The following DLGAP2 variants were observed in gnomAD, a reference collection of about 807,000 sequenced individuals.
The protein encoded by DLGAP2 is DLG associated protein 2, also known as disks large-associated protein 2.
Under a neutral mutation model 100.3 loss-of-function variants are expected in DLGAP2, and 26 were observed. That is an observed-to-expected ratio of 0.26 (90% confidence interval 0.19 to 0.36). The LOEUF is 0.36. Among genes scored for constraint, DLGAP2 ranks in the 10% least tolerant of loss-of-function variants. The pLI is 1.00. For missense variants in DLGAP2, 1,858 were observed against 1,453.2 expected (o/e 1.28, Z -4.53); for synonymous variants, 886 against 630.1 (o/e 1.41, Z -6.08).
intron 4 of DLGAP2, among the ~76,000 whole-genome samples, chr8:1,538,649 G>A (rs940559139): frequency 2.6e-5 from 4 of 152,144 alleles, no homozygotes; most frequent in African/African-American, 4.8e-5. Flanking sequence ...TTTCTGTTGC[G>A]AGTGTCTAGA....
At chr8:1,669,646 G>C in intron 9 of DLGAP2, 97 bp from the exon 10 acceptor site, 2 of 773,196 alleles carry the variant, frequency 2.6e-6, no homozygotes, top group Non-Finnish European at 4.8e-6. Context: ...TGCGGCGCTG[G>C]TAGCTAGGCA....
intron 1 of DLGAP2, among the ~76,000 whole-genome samples, chr8:743,795 GCTCT>G (rs1820546919): frequency 6.6e-6 from 1 of 152,174 alleles, no homozygotes; most frequent in Non-Finnish European, 1.5e-5. Context: ...TGACTCCTGG[GCTCT>G]AGCCATCAGC....
At chr8:1,219,294 T>C (rs1056126166) in intron 2 of DLGAP2, among the ~76,000 whole-genome samples, 1 of 152,174 alleles carries the variant, frequency 6.6e-6, no homozygotes, top group Non-Finnish European at 1.5e-5. Flanking sequence ...TAAGTTCCTC[T>C]GATGACTAGT....
At chr8:970,875 T>C (rs1799997727) in intron 2 of DLGAP2, among the ~76,000 whole-genome samples, 1 of 152,248 alleles carries the variant, frequency 6.6e-6, no homozygotes, top group South Asian at 2.1e-4. Context: ...TATCTTAACC[T>C]TGTTAACGAT....
At chr8:815,731 G>A (rs1237112021) in intron 1 of DLGAP2, among the ~76,000 whole-genome samples, 1 of 152,084 alleles carries the variant, frequency 6.6e-6, no homozygotes, top group African/African-American at 2.4e-5. Flanking sequence ...GATATTGAGG[G>A]CAAATAAAGA....
At chr8:1,047,417 A>G (rs1263401451) in intron 2 of DLGAP2, among the ~76,000 whole-genome samples, 2 of 152,172 alleles carry the variant, frequency 1.3e-5, no homozygotes, top group African/African-American at 4.8e-5. Context: ...ATGATCCCAT[A>G]TTTTAAAATC....
At chr8:834,598 T>G (rs1267689561) in intron 1 of DLGAP2, among the ~76,000 whole-genome samples, 1 of 152,190 alleles carries the variant, frequency 6.6e-6, no homozygotes, top group African/African-American at 2.4e-5. Flanking sequence ...TTTAAAACAC[T>G]CTGTCTTCCT....
At chr8:1,629,936 G>A in intron 7 of DLGAP2, among the ~76,000 whole-genome samples, 1 of 152,264 alleles carries the variant, frequency 6.6e-6, no homozygotes. Context: ...ACCCAAGATG[G>A]TATCTACCAA....
At chr8:1,383,668 G>C (rs981137174) in intron 3 of DLGAP2, among the ~76,000 whole-genome samples, 3 of 152,158 alleles carry the variant, frequency 2.0e-5, no homozygotes, top group Non-Finnish European at 4.4e-5. Context: ...GACAGGTGCC[G>C]TCCACCTGGC....
chr8:1,428,732 A>G (rs1373385963), intron 3 of DLGAP2, among the ~76,000 whole-genome samples: 1 of 152,220 alleles, frequency 6.6e-6, no homozygotes, highest in Admixed American at 6.5e-5. Flanking sequence ...AGTGCCAGCA[A>G]ATGTGTCAAG....
chr8:1,430,601 C>G (rs918591060), intron 3 of DLGAP2, among the ~76,000 whole-genome samples: 14 of 152,188 alleles, frequency 9.2e-5, no homozygotes, highest in East Asian at 3.9e-4. Flanking sequence ...GAAGATCAGA[C>G]CATGGATCTC....
intron 3 of DLGAP2, among the ~76,000 whole-genome samples, chr8:1,500,945 A>G (rs1799700253): frequency 6.6e-6 from 1 of 152,186 alleles, no homozygotes; most frequent in South Asian, 2.1e-4. Context: ...TCTAGACCGG[A>G]AGGAAAGTCT....
chr8:1,442,807 G>A (rs971170434), intron 3 of DLGAP2, among the ~76,000 whole-genome samples: 2 of 149,384 alleles, frequency 1.3e-5, no homozygotes, highest in South Asian at 2.1e-4. Flanking sequence ...TTCAGCCACT[G>A]GGGGAGACGG....
chr8:1,668,830 G>A (rs960895870), intron 9 of DLGAP2, among the ~76,000 whole-genome samples, 152 bp downstream of exon 9: 1 of 152,164 alleles, frequency 6.6e-6, no homozygotes, highest in Admixed American at 6.5e-5. Context: ...CTGTGCGTTC[G>A]CCTTGCAGAC....
chr8:1,527,285 C>A (rs1007134086), intron 4 of DLGAP2, among the ~76,000 whole-genome samples: 3 of 152,240 alleles, frequency 2.0e-5, no homozygotes, highest in African/African-American at 7.2e-5. Context: ...GCCTGAGTGA[C>A]ACCACCATCC....
chr8:952,304 C>T (rs1311400165), intron 2 of DLGAP2, among the ~76,000 whole-genome samples: 1 of 152,212 alleles, frequency 6.6e-6, no homozygotes, highest in African/African-American at 2.4e-5. Context: ...CAACAATTCC[C>T]CAGAGCTTCT....
chr8:827,838 G>C lies in DLGAP2; in HGVS notation c.19-80074G>C, dbSNP rs186269624. On this transcript the variant is annotated intron_variant, in intron 1 of 14. Coordinates refer to ENST00000637795, the MANE Select transcript of DLGAP2 (RefSeq NM_001346810.2). ...TCGGGGGACCTGCCCCGATAATCAC[G>C]TAGGTTCTTTTCTATTTTCCTAAGC... Among the ~76,000 whole-genome samples the C allele has an allele frequency of 3.0e-4, 46 of 152,284 alleles. No individual in the cohort carries two copies. The East Asian group carries it at 7.5e-3, about 25-fold the overall frequency.
At chr8:1,318,606 G>T (rs890753563) in intron 3 of DLGAP2, among the ~76,000 whole-genome samples, 1 of 151,678 alleles carries the variant, frequency 6.6e-6, no homozygotes, top group Non-Finnish European at 1.5e-5. Flanking sequence ...TTCCCCCGCC[G>T]ATGTCGAAAG....
chr8:1,560,458 C>T (rs763732854), intron 5 of DLGAP2, among the ~76,000 whole-genome samples: 12 of 152,152 alleles, frequency 7.9e-5, no homozygotes, highest in Non-Finnish European at 1.3e-4. Flanking sequence ...ATATTGTAAG[C>T]CATCCCCTAT....
Sources: gnomAD v4.1 joint callset for allele counts (sites outside exome capture counted in the v4.1 genomes callset) on GRCh38, gnomAD v4.1.1 for gene constraint, MANE v1.5 for transcripts, NCBI Gene and HGNC (gene_info 2026-07-23, HGNC 2026-07-21) for gene names.